Variants in FKTN observed in about 807,000 individuals in gnomAD.
FKTN encodes ribitol-5-phosphate transferase FKTN.
A neutral mutation model predicts 58.6 loss-of-function variants in FKTN; 47 were observed. The observed-to-expected ratio is 0.80, with a 90% CI of 0.63 to 1.02. The LOEUF (loss-of-function observed/expected upper bound fraction) is 1.02, where lower values mean the gene tolerates loss of function less well. Among genes scored for constraint, FKTN ranks in the 50% least tolerant of loss-of-function variants. The probability of loss-of-function intolerance (pLI) is 0.00; values close to 1 mark genes in which losing one functional copy is unlikely to be tolerated. For synonymous variants in FKTN, 178 were observed against 191.9 expected (o/e 0.93, Z 0.60); for missense variants, 516 against 537.3 (o/e 0.96, Z 0.39).
intron 3 of FKTN, among the ~76,000 whole-genome samples, chr9:105,588,069 A>G (rs1564253014): frequency 6.6e-6 from 1 of 152,252 alleles, no homozygotes; most frequent in Non-Finnish European, 1.5e-5. Flanking sequence ...CTATATGAGC[A>G]TAATTAATGA....
chr9:105,624,200 C>T (rs982176747), intron 10 of FKTN: 1 of 152,176 alleles, frequency 6.6e-6, no homozygotes, highest in Non-Finnish European at 1.5e-5. Flanking sequence ...CTGAGTGTTG[C>T]ATTGTACTCA....
In FKTN at chr9:105,636,237, A is replaced by T; in HGVS notation, c.*973A>T. The T allele has an allele frequency of 1.1e-6, 1 of 900,198 alleles. No homozygotes were observed. The highest frequency in any genetic ancestry group is 1.3e-6 in the Non-Finnish European group (1 of 752,504). 55.8% of individuals were successfully genotyped at this position (900,198 alleles called of 1,614,324 possible). A position where few individuals can be genotyped will look rare whatever the true frequency, so the allele number is the denominator to read the frequency against. ...ATTTTTTAAATATACTCTAATTTTT[A>T]AAACATACTCTTTATTATCTTCATT... On this transcript the variant is annotated 3_prime_UTR_variant, in exon 11 of 11. Coordinates refer to ENST00000357998, the MANE Select transcript of FKTN (RefSeq NM_001079802.2).
intron 1 of FKTN, among the ~76,000 whole-genome samples, chr9:105,564,555 A>C (rs1838998409): frequency 6.6e-6 from 1 of 152,236 alleles, no homozygotes; most frequent in African/African-American, 2.4e-5. Context: ...TCAGTGATGG[A>C]AGATCAAATG....
rs1346819229 is a variant in FKTN, at chr9:105,574,933, T to C, written c.-88-12T>C. ...GTTTTTGTTTCTTTAAAAATATCTTTTTTGTTCACAGAAAACAAAATTATC... is the reference window on the plus strand; with the variant it reads ...GTTTTTGTTTCTTTAAAAATATCTTCTTTGTTCACAGAAAACAAAATTATC... On this transcript the variant is annotated splice_polypyrimidine_tract_variant and intron_variant, in intron 2 of 10. Transcript: ENST00000357998. 1.3e-6 allele frequency: 1 copy of C among 752,354 alleles called. No homozygotes were observed. Among genetic ancestry groups the C allele is most frequent in the African/African-American group, 1.7e-5 (1 of 57,634 alleles). The allele number at this position is 752,354 out of a possible 1,614,324, so 46.6% of individuals were successfully genotyped here. A position where few individuals can be genotyped will look rare whatever the true frequency, so the allele number is the denominator to read the frequency against.
chr9:105,574,857 T>C lies in FKTN; in HGVS notation c.-88-88T>C. On this transcript the variant is annotated intron_variant, in intron 2 of 10. Transcript: ENST00000357998. ...AGATCAAAGAATGCCTGTGGAAATTTAATTTTTTCTTTGTTCTATTGTTGG... is the reference window on the plus strand; with the variant it reads ...AGATCAAAGAATGCCTGTGGAAATTCAATTTTTTCTTTGTTCTATTGTTGG... The C allele has an allele frequency of 1.0e-5, 6 of 595,438 alleles. No homozygotes were observed. In the South Asian group the frequency reaches 1.2e-4, roughly 12 times the overall value. 36.9% of individuals were successfully genotyped at this position (595,438 alleles called of 1,614,324 possible).
Position 105,638,566 on chromosome 9 carries a change from C to A in FKTN, c.*3302C>A. The A allele has an allele frequency of 1.0e-6, 1 of 985,378 alleles. No individual in the cohort carries two copies. The highest frequency in any genetic ancestry group is 1.2e-6 in the Non-Finnish European group (1 of 829,942). The allele number at this position is 985,378 out of a possible 1,614,324, so 61.0% of individuals were successfully genotyped here. On this transcript the variant is annotated 3_prime_UTR_variant, in exon 11 of 11. Coordinates refer to ENST00000357998, the MANE Select transcript of FKTN (RefSeq NM_001079802.2). ...AATGCCTGTATTTGAAGTCTCTCCC[C>A]TTCCTGAAGTGACCTTTTATGAGGC...
chr9:105,626,981 C>CT (rs60710867), intron 10 of FKTN, among the ~76,000 whole-genome samples: 1,983 of 127,992 alleles, frequency 0.015, 46 homozygotes, highest in African/African-American at 0.05. Flanking sequence ...CTTCTTTATT[C>CT]TTTTTTTTTT....
chr9:105,567,244 G>A (rs926311052), intron 1 of FKTN, among the ~76,000 whole-genome samples: 1 of 152,190 alleles, frequency 6.6e-6, no homozygotes, highest in African/African-American at 2.4e-5. Flanking sequence ...GCACAAGACA[G>A]GGATGCCCTC....
At chr9:105,608,570 A>G (rs1212539347) in intron 7 of FKTN, among the ~76,000 whole-genome samples, 2 of 152,206 alleles carry the variant, frequency 1.3e-5, no homozygotes. Context: ...ATACAGTGAA[A>G]ACAGGCAAAT....
chr9:105,629,480 T>C (rs926384913), intron 10 of FKTN, among the ~76,000 whole-genome samples: 39 of 152,308 alleles, frequency 2.6e-4, no homozygotes, highest in Middle Eastern at 3.4e-3. Flanking sequence ...TTATCCATTA[T>C]ATACAAGGAG....
chr9:105,634,331 G>A (rs1439258066), intron 10 of FKTN, among the ~76,000 whole-genome samples: 3 of 151,852 alleles, frequency 2.0e-5, no homozygotes, highest in East Asian at 1.9e-4. Flanking sequence ...ATGGGGTTTC[G>A]TCATGTTGGC....
At chr9:105,598,221 A>G (rs919706958) in intron 4 of FKTN, 1 of 380,552 alleles carries the variant, frequency 2.6e-6, no homozygotes, top group Non-Finnish European at 5.5e-6. Flanking sequence ...TGAGGGGACT[A>G]AAAAAAATTG....
intron 1 of FKTN, among the ~76,000 whole-genome samples, chr9:105,569,699 G>A (rs549885744): frequency 8.5e-5 from 13 of 152,126 alleles, no homozygotes; most frequent in Middle Eastern, 3.4e-3. Context: ...ATTCTGTGTC[G>A]CAATATACCA....
At chr9:105,608,960 C>A (rs1352613118) in intron 7 of FKTN, among the ~76,000 whole-genome samples, 1 of 152,136 alleles carries the variant, frequency 6.6e-6, no homozygotes, top group South Asian at 2.1e-4. Flanking sequence ...TAAACTTGAC[C>A]GCTCTTCCTG....
rs757098165 is a variant in FKTN, at chr9:105,572,911, G to A, written c.-180-744G>A. 2.5e-4 allele frequency among the ~76,000 whole-genome samples: 38 copies of A among 152,198 alleles called. No individual in the cohort carries two copies. The Middle Eastern group carries it at 0.014, about 54-fold the overall frequency. ...TACACCCTTATTTCTTTCTTCCATA[G>A]TTAAGGCGTAAATTATATTCCCGTT... is the stretch of plus-strand genomic sequence containing the variant. On this transcript the variant is annotated intron_variant, in intron 1 of 10. Transcript: ENST00000357998.
rs1564246935 is a variant in FKTN, at chr9:105,585,368, G to A, written c.105+10231G>A. Among the ~76,000 whole-genome samples the A allele has an allele frequency of 5.3e-5, 8 of 152,152 alleles. No homozygotes were observed. In the South Asian group the frequency reaches 1.7e-3, roughly 31 times the overall value. On this transcript the variant is annotated intron_variant, in intron 3 of 10. Transcript: ENST00000357998. ...CTGAGCCCAGGAGTTTGAGTTTACA[G>A]TGAGCTAAGATCTGCACTCCAGGAT...
chr9:105,601,398 G>A (rs781012740), intron 5 of FKTN, 50 bp downstream of exon 5: 67 of 1,299,714 alleles, frequency 5.2e-5, no homozygotes, highest in Non-Finnish European at 6.4e-5. Flanking sequence ...TTACAAAATA[G>A]TATAGGTTTA....
At chr9:105,582,753 T>C (rs1843239182) in intron 3 of FKTN, among the ~76,000 whole-genome samples, 1 of 152,220 alleles carries the variant, frequency 6.6e-6, no homozygotes, top group African/African-American at 2.4e-5. Context: ...AGATCTAATA[T>C]GCACATTTTA....
Position 105,640,301 on chromosome 9 carries a change from A to G in FKTN, c.*5037A>G. 1 of 790,440 alleles carries G rather than the reference A, an allele frequency of 1.3e-6. No homozygotes were observed. The highest frequency in any genetic ancestry group is 1.9e-6 in the Non-Finnish European group (1 of 535,162). The allele number at this position is 790,440 out of a possible 1,614,324, so 49.0% of individuals were successfully genotyped here. ...TGCAGTGGCTCACACCTGTAATACC[A>G]GCAGTTTGAGAAGCTAAGGCAGGTG... On this transcript the variant is annotated 3_prime_UTR_variant, in exon 11 of 11. Coordinates refer to ENST00000357998, the MANE Select transcript of FKTN (RefSeq NM_001079802.2).
Sources: gnomAD v4.1 joint callset for allele counts (sites outside exome capture counted in the v4.1 genomes callset) on GRCh38, gnomAD v4.1.1 for gene constraint, MANE v1.5 for transcripts, NCBI Gene and HGNC (gene_info 2026-07-23, HGNC 2026-07-21) for gene names.